The following TRIM25 variants were observed in gnomAD, a reference collection of about 807,000 sequenced individuals.
TRIM25 encodes tripartite motif containing 25, also known as E3 ubiquitin/ISG15 ligase TRIM25.
A neutral mutation model predicts 65.2 loss-of-function variants in TRIM25; 45 were observed. The observed-to-expected ratio is 0.69, with a 90% confidence interval of 0.54 to 0.89. The LOEUF is 0.89. Among genes scored for constraint, TRIM25 ranks in the 40% least tolerant of loss-of-function variants. The pLI, the probability that TRIM25 is intolerant of heterozygous loss-of-function variation, is 0.00. For synonymous variants in TRIM25, 321 were observed against 340.4 expected, an observed-to-expected ratio of 0.94 and a Z score of 0.63; for missense variants, 714 against 803.7, an observed-to-expected ratio of 0.89 and a Z score of 1.35.
At chr17:56,902,398 G>A (rs1450932593) in intron 3 of TRIM25, among the ~76,000 whole-genome samples, 1 of 152,178 alleles carries the variant, frequency 6.6e-6, no homozygotes, top group African/African-American at 2.4e-5. Context: ...AATAAGAGAT[G>A]GGCTTACAGT....
At chr17:56,903,890 C>T (rs112245734) in intron 3 of TRIM25, among the ~76,000 whole-genome samples, 157 of 152,242 alleles carry the variant, frequency 1.0e-3, no homozygotes, top group African/African-American at 3.5e-3. Context: ...CTCAGTCCTA[C>T]AACCATAAGG....
chr17:56,913,549 G>T lies in TRIM25; in HGVS notation c.440C>A (p.Pro147Gln). The change falls in exon 1 of 9, where the codon CCG becomes CAG. Residue 147 changes from proline to glutamine, a missense_variant. Pro to Gln is a moderately conservative substitution (Grantham distance 76). This residue lies in a region of TRIM25 where 291 missense variants were observed against 281.8 expected (regional missense o/e 1.03). Transcript: ENST00000316881. The surrounding 1 kb of genome is among the most constrained non-coding windows in gnomAD (Gnocchi z 6.1). ...GCGGCGCAACAGGTCGCGAACGGGC[G>T]GCTGCAGCGGGTGGTCCTGGAAGGC... The part of the protein sequence containing the change: ...SPAFQDHPLQ[P>Q]PVRDLLRRKC... 6.2e-7 allele frequency: 1 copy of T among 1,613,584 alleles called. No individual in the cohort carries two copies. Among genetic ancestry groups the T allele is most frequent in the Non-Finnish European group, 8.5e-7 (1 of 1,179,764 alleles).
At position 56,895,301 on chromosome 17, in the gene TRIM25, A is replaced by G. The variant is rs369494262; in HGVS notation, c.1363+42T>C. The G allele has an allele frequency of 8.2e-4, 1,262 of 1,531,336 alleles. 2 individuals are homozygous for G. Among genetic ancestry groups the G allele is most frequent in the South Asian group, 1.7e-3 (154 of 89,096 alleles). The allele number at this position is 1,531,336 out of a possible 1,614,324, so 94.9% of individuals were successfully genotyped here. On this transcript the variant is annotated intron_variant, in intron 8 of 8. Transcript: ENST00000316881. The stretch of plus-strand genomic sequence containing the variant: ...AGCTGCACAGAGCGGCGCAGGAGAG[A>G]CAGAACCAGTGGAACCGCGCACCAG...
At chr17:56,898,794 G>A (rs1005544143) in intron 5 of TRIM25, among the ~76,000 whole-genome samples, 4 of 152,118 alleles carry the variant, frequency 2.6e-5, no homozygotes, top group Non-Finnish European at 4.4e-5. Context: ...TGCCAAGGAG[G>A]TTTAGCCTCC....
Position 56,913,425 on chromosome 17 carries a change from G to C in TRIM25, c.564C>G (p.Pro188=), listed in dbSNP as rs773668049. The stretch of plus-strand genomic sequence containing the variant: ...CGGCGCTGGCCTGGCTCAGGGACGC[G>C]GGAGAGCAGGTCTTATGCTCCACCA... ...ICLVEHKTCS[P]ASLSQASADL... Residue 188 remains proline, a synonymous_variant, in exon 1 of 9, where the codon CCC becomes CCG. Transcript: ENST00000316881. The surrounding 1 kb of genome is among the most constrained non-coding windows in gnomAD (Gnocchi z 6.1). The C allele has an allele frequency of 2.5e-5, 40 of 1,590,450 alleles. No homozygotes were observed. Among genetic ancestry groups the C allele is most frequent in the Non-Finnish European group, 3.3e-5 (39 of 1,164,604 alleles).
rs759482989 is a variant in TRIM25 at position 56,913,997 on chromosome 17, C to T, written c.-9G>A. 2.0e-6 allele frequency: 3 copies of T among 1,536,512 alleles called. No homozygotes were observed. Among genetic ancestry groups the T allele is most frequent in the East Asian group, 2.3e-5 (1 of 42,574 alleles). On this transcript the variant is annotated 5_prime_UTR_variant, in exon 1 of 9. Coordinates refer to ENST00000316881, the MANE Select transcript of TRIM25 (RefSeq NM_005082.5). The surrounding 1 kb of genome is among the most constrained non-coding windows in gnomAD (Gnocchi z 6.1). The stretch of plus-strand genomic sequence containing the variant: ...GGGCACAGCTCTGCCATGGCGCTCC[C>T]AGGGGTCGGGACACAACTGCTGCAC...
In TRIM25 at chr17:56,891,245, A is replaced by G. The variant is rs761926491; in HGVS notation, c.*455T>C. The G allele has an allele frequency of 3.1e-6, 1 of 324,806 alleles. No individual in the cohort carries two copies. The highest frequency in any genetic ancestry group is 2.2e-5 in the African/African-American group (1 of 45,768). 20.1% of individuals were successfully genotyped at this position (324,806 alleles called of 1,614,324 possible). A position where few individuals can be genotyped will look rare whatever the true frequency, so the allele number is the denominator to read the frequency against. On this transcript the variant is annotated 3_prime_UTR_variant, in exon 9 of 9. Transcript: ENST00000316881. ...GTTTATGTAACATTGAAACTCAATGACTTTGGAACTTTAAAAACATCTATA... is the reference window on the plus strand; with the variant it reads ...GTTTATGTAACATTGAAACTCAATGGCTTTGGAACTTTAAAAACATCTATA...
chr17:56,893,365 G>C (rs556337442), intron 8 of TRIM25, among the ~76,000 whole-genome samples: 1 of 152,224 alleles, frequency 6.6e-6, no homozygotes, highest in Non-Finnish European at 1.5e-5. Flanking sequence ...CTGCCACAGA[G>C]TGCACAGCAG....
In TRIM25 at chr17:56,891,187, CAGG is replaced by C; in HGVS notation, c.*510_*512del. 2.9e-6 allele frequency: 1 copy of C among 346,498 alleles called. No individual in the cohort carries two copies. Among genetic ancestry groups the C allele is most frequent in the Non-Finnish European group, 5.7e-6 (1 of 175,080 alleles). The allele number at this position is 346,498 out of a possible 1,614,324, so 21.5% of individuals were successfully genotyped here. On this transcript the variant is annotated 3_prime_UTR_variant, in exon 9 of 9. Coordinates refer to ENST00000316881, the MANE Select transcript of TRIM25 (RefSeq NM_005082.5). The stretch of plus-strand genomic sequence containing the variant: ...TGTTTCCTCAAGCACAGATAATAAC[CAGG>C]AGATCAAGCCCCAACATGCGGGTAA...
chr17:56,891,757 G>T lies in TRIM25; in HGVS notation c.1836C>A (p.Tyr612Ter). The T allele has an allele frequency of 6.2e-7, 1 of 1,614,194 alleles. No individual in the cohort carries two copies. The highest frequency in any genetic ancestry group is 8.5e-7 in the Non-Finnish European group (1 of 1,180,042). The change falls in exon 9 of 9, where the codon TAC becomes TAA. Residue 612 changes from tyrosine (Y) to a stop codon, truncating the protein, a stop_gained. Coordinates refer to ENST00000316881, the MANE Select transcript of TRIM25 (RefSeq NM_005082.5). LOFTEE classifies it high-confidence loss of function. ...CAGCAGAAAATACCCAGAAAGCCGG[G>T]TACAAAGCCTCAGTAAAGTCCACCC... ...KFRVDFTEAL[Y>*]PAFWVFSAGA...
Position 56,888,318 on chromosome 17 carries a change from C to T in TRIM25, c.*3382G>A, listed in dbSNP as rs1416780773. 1.3e-5 allele frequency: 2 copies of T among 152,120 alleles called. No individual in the cohort carries two copies. The allele number at this position is 152,120 out of a possible 1,614,324, so 9.4% of individuals were successfully genotyped here. On this transcript the variant is annotated 3_prime_UTR_variant, in exon 9 of 9. Coordinates refer to ENST00000316881, the MANE Select transcript of TRIM25 (RefSeq NM_005082.5). ...TGGCCTCACAAATAACAAAGACACT[C>T]CTATTACCCTGGAAATGTCAAGGAC...
chr17:56,896,513 A>G (rs1242443029), intron 5 of TRIM25, among the ~76,000 whole-genome samples: 1 of 151,524 alleles, frequency 6.6e-6, no homozygotes, highest in Admixed American at 6.6e-5. Context: ...AAAAAAAAAA[A>G]GAAAAAACTA....
chr17:56,905,573 A>C (rs1179380043), intron 2 of TRIM25, among the ~76,000 whole-genome samples: 1 of 152,156 alleles, frequency 6.6e-6, no homozygotes, highest in East Asian at 1.9e-4. Context: ...ACACCAAAAA[A>C]AGGAATGTAA....
Position 56,891,320 on chromosome 17 carries a change from G to A in TRIM25, c.*380C>T, listed in dbSNP as rs1276310586. ...TGAAGGCTACCCCAGAGAGCAAAGGGGCAGCCTTCAGATCCAAGTGGCCCA... is the reference window on the plus strand; with the variant it reads ...TGAAGGCTACCCCAGAGAGCAAAGGAGCAGCCTTCAGATCCAAGTGGCCCA... On this transcript the variant is annotated 3_prime_UTR_variant, in exon 9 of 9. Transcript: ENST00000316881. The A allele has an allele frequency of 6.4e-6, 2 of 311,384 alleles. No individual in the cohort carries two copies. Among genetic ancestry groups the A allele is most frequent in the Non-Finnish European group, 1.2e-5 (2 of 161,862 alleles). The allele number at this position is 311,384 out of a possible 1,614,324, so 19.3% of individuals were successfully genotyped here.
intron 5 of TRIM25, among the ~76,000 whole-genome samples, chr17:56,896,276 A>G (rs1909290508): frequency 6.6e-6 from 1 of 152,184 alleles, no homozygotes; most frequent in African/African-American, 2.4e-5. Context: ...TACTGCAGGG[A>G]AAAAAGAGAT....
At chr17:56,912,603 A>T (rs540441890) in intron 1 of TRIM25, among the ~76,000 whole-genome samples, 7 of 152,332 alleles carry the variant, frequency 4.6e-5, no homozygotes, top group African/African-American at 1.4e-4. Flanking sequence ...ACGGACCTGG[A>T]TACGAGGCTG....
Position 56,892,198 on chromosome 17 carries a change from G to C in TRIM25, c.1395C>G (p.Thr465=). 1 of 1,606,510 alleles carries C rather than the reference G, an allele frequency of 6.2e-7. No homozygotes were observed. The highest frequency in any genetic ancestry group is 8.5e-7 in the Non-Finnish European group (1 of 1,174,322). The change falls in exon 9 of 9, where the codon ACC becomes ACG. Residue 465 remains threonine, a synonymous_variant. Transcript: ENST00000316881. ...YYIKVILDYN[T]AHNKVALSEC... is the part of the protein sequence containing the mutation. ...CTGACAGAGCCACTTTGTTGTGGGC[G>C]GTGTTGTAGTCCAGGATGACTTTAA...
At chr17:56,903,436 A>C (rs1454766236) in intron 3 of TRIM25, among the ~76,000 whole-genome samples, 2 of 152,214 alleles carry the variant, frequency 1.3e-5, no homozygotes, top group African/African-American at 2.4e-5. Flanking sequence ...ACTCAGTCTT[A>C]GGTACTCCTT....
intron 8 of TRIM25, among the ~76,000 whole-genome samples, chr17:56,894,304 A>G (rs951130931): frequency 2.6e-5 from 4 of 152,230 alleles, no homozygotes; most frequent in Non-Finnish European, 5.9e-5. Flanking sequence ...ACTGGAGTGC[A>G]GTGGCACAAT....
Sources: gnomAD v4.1 joint callset for allele counts (sites outside exome capture counted in the v4.1 genomes callset) on GRCh38, gnomAD v4.1.1 for gene constraint, gnomAD v4.1.1 regional missense constraint, Gnocchi (gnomAD v3.1) non-coding constraint, MANE v1.5 for transcripts, NCBI Gene and HGNC (gene_info 2026-07-23, HGNC 2026-07-21) for gene names.